Variants in INSR observed in about 807,000 individuals in gnomAD.
INSR encodes IR.
A neutral mutation model predicts 142.6 loss-of-function variants in INSR; 67 were observed. That is an observed-to-expected ratio of 0.47 (90% CI 0.39 to 0.58). INSR has a LOEUF of 0.58. Among genes scored for constraint, INSR ranks in the 20% least tolerant of loss-of-function variants. INSR has a pLI of 0.00. For missense variants in INSR, 1,248 were observed against 1,833.2 expected (o/e 0.68, Z 5.83); for synonymous variants, 756 against 743.1 (o/e 1.02, Z -0.28).
intron 11 of INSR, among the ~76,000 whole-genome samples, chr19:7,149,245 G>A (rs886071513): frequency 2.6e-4 from 40 of 152,242 alleles, no homozygotes; most frequent in African/African-American, 8.7e-4. Context: ...TTTGGACCAA[G>A]CCCGTACATT....
At chr19:7,198,702 C>A (rs899886320) in intron 2 of INSR, among the ~76,000 whole-genome samples, 2 of 152,134 alleles carry the variant, frequency 1.3e-5, no homozygotes, top group Non-Finnish European at 2.9e-5. Context: ...TCTCACCCAC[C>A]ACTCACCCAG....
chr19:7,190,369 GTTT>G (rs34757652), intron 2 of INSR, among the ~76,000 whole-genome samples: 2,869 of 102,706 alleles, frequency 0.028, 42 homozygotes, highest in African/African-American at 0.065. Flanking sequence ...TTCTTTGGTG[GTTT>G]TTTTTTTTTT....
rs187118788 is a variant in INSR, at chr19:7,120,522, G to A, written c.3659+98C>T. The A allele has an allele frequency of 4.3e-4, 622 of 1,439,230 alleles. 4 individuals are homozygous for A. In the African/African-American group the frequency reaches 7.0e-3, roughly 16 times the overall value. The allele number at this position is 1,439,230 out of a possible 1,614,324, so 89.2% of individuals were successfully genotyped here. On this transcript the variant is annotated intron_variant, in intron 20 of 21. Transcript: ENST00000302850. ...GCTGCCTTCCTTTCCTTGATGGGGC[G>A]TCCAGGAGGATGGCAGGCTTCCTTC...
rs777632516 is a variant in INSR at position 7,150,483 on chromosome 19, CAG to C, written c.2267+12_2267+13del. The C allele has an allele frequency of 1.9e-6, 3 of 1,613,958 alleles. No individual in the cohort carries two copies. The highest frequency in any genetic ancestry group is 2.5e-6 in the Non-Finnish European group (3 of 1,179,860). ...CGCGGAGCAGGCACCAGGGGTCGCA[CAG>C]GTGAGTCATACCTAGGGTCCTCGGC... On this transcript the variant is annotated intron_variant, in intron 11 of 21. Coordinates refer to ENST00000302850, the MANE Select transcript of INSR (RefSeq NM_000208.4). The surrounding 1 kb of genome is among the most constrained non-coding windows in gnomAD (Gnocchi z 4.2).
chr19:7,231,633 G>A (rs7255710), intron 2 of INSR, among the ~76,000 whole-genome samples: 5,733 of 151,982 alleles, frequency 0.038, 327 homozygotes, highest in East Asian at 0.22. Flanking sequence ...TAAAGTGACT[G>A]GATGTTGGGG....
rs137914614 is a variant in INSR at position 7,112,581 on chromosome 19, G to T, written c.*4475C>A. ...CAAGCTGTTCCTGAATATGTGCATGGGTGCACACTTATTTTGAGGCTCTTC... is the reference window on the plus strand; with the variant it reads ...CAAGCTGTTCCTGAATATGTGCATGTGTGCACACTTATTTTGAGGCTCTTC... On this transcript the variant is annotated 3_prime_UTR_variant, in exon 22 of 22. Transcript: ENST00000302850. The T allele has an allele frequency of 6.6e-6, 1 of 152,254 alleles. No homozygotes were observed. The highest frequency in any genetic ancestry group is 1.9e-4 in the East Asian group (1 of 5,188). The allele number at this position is 152,254 out of a possible 1,614,324, so 9.4% of individuals were successfully genotyped here.
chr19:7,167,482 A>T (rs1973913849), intron 7 of INSR, among the ~76,000 whole-genome samples: 1 of 151,884 alleles, frequency 6.6e-6, no homozygotes, highest in African/African-American at 2.4e-5. Flanking sequence ...AGACTGAGGC[A>T]GGAGAACTGC....
chr19:7,133,571 G>A (rs1405261157), intron 13 of INSR, among the ~76,000 whole-genome samples: 1 of 152,038 alleles, frequency 6.6e-6, no homozygotes, highest in Non-Finnish European at 1.5e-5. Context: ...ATTTTAAAAT[G>A]CAAAAGTGGG....
At chr19:7,147,801 T>C (rs751988326) in intron 11 of INSR, among the ~76,000 whole-genome samples, 1 of 152,168 alleles carries the variant, frequency 6.6e-6, no homozygotes, top group Non-Finnish European at 1.5e-5. Flanking sequence ...TACTGAGAAA[T>C]TGGTATCTCA....
rs994472107 is a variant in INSR at position 7,293,436 on chromosome 19, G to A, written c.100+356C>T. Among the ~76,000 whole-genome samples the A allele has an allele frequency of 2.2e-4, 33 of 152,304 alleles. 1 individual carries two copies. The South Asian group carries it at 2.5e-3, about 11-fold the overall frequency. ...TCCAGACCCAGTGACCCCACTTCCC[G>A]GCCGCGACCCAAAGATGACGCGTGT... On this transcript the variant is annotated intron_variant, in intron 1 of 21. Transcript: ENST00000302850.
chr19:7,215,543 G>A (rs1231878095), intron 2 of INSR, among the ~76,000 whole-genome samples: 1 of 130,164 alleles, frequency 7.7e-6, no homozygotes, highest in African/African-American at 3.0e-5. Context: ...AAACTACCGA[G>A]CTTCCTTTTC....
chr19:7,137,187 T>C (rs537832273), intron 13 of INSR, among the ~76,000 whole-genome samples: 4 of 151,920 alleles, frequency 2.6e-5, no homozygotes, highest in African/African-American at 9.7e-5. Context: ...TTTTACTCCA[T>C]TTACAAAATT....
In INSR at chr19:7,143,133, A is replaced by AT. The variant is rs11400403; in HGVS notation, c.2268-44dup. 0.012 allele frequency: 20,087 copies of AT among 1,609,122 alleles called. 1,207 individuals are homozygous for AT. The African/African-American group carries it at 0.16, about 12-fold the overall frequency. ...CATGTATGATGACACCATCACCATC[A>AT]TTTTTTTTAAAAAAGTGACACTGGA... On this transcript the variant is annotated intron_variant, in intron 11 of 21. Coordinates refer to ENST00000302850, the MANE Select transcript of INSR (RefSeq NM_000208.4).
chr19:7,284,432 C>T (rs1968290056), intron 1 of INSR, among the ~76,000 whole-genome samples: 1 of 152,144 alleles, frequency 6.6e-6, no homozygotes, highest in African/African-American at 2.4e-5. Flanking sequence ...AGCAGGGCTT[C>T]AGCACCCTGG....
intron 2 of INSR, among the ~76,000 whole-genome samples, chr19:7,266,231 CACA>C (rs1025335737): frequency 1.4e-4 from 22 of 152,082 alleles, no homozygotes; most frequent in African/African-American, 5.3e-4. Flanking sequence ...TGGCCGTTGG[CACA>C]ACATTTCCGG....
intron 9 of INSR, among the ~76,000 whole-genome samples, chr19:7,161,945 G>T (rs1003131294): frequency 1.7e-4 from 26 of 152,154 alleles, no homozygotes; most frequent in Non-Finnish European, 2.9e-4. Flanking sequence ...CGCTTTGGGA[G>T]GCTGAGGGGG....
intron 1 of INSR, among the ~76,000 whole-genome samples, chr19:7,274,804 C>CAA (rs772807729): frequency 1.3e-3 from 106 of 83,114 alleles, no homozygotes; most frequent in African/African-American, 3.0e-3. Flanking sequence ...GACTGTGTCT[C>CAA]AAAAAAAAAA....
chr19:7,197,516 G>A (rs74180103), intron 2 of INSR, among the ~76,000 whole-genome samples: 48 of 70,904 alleles, frequency 6.8e-4, no homozygotes, highest in African/African-American at 1.6e-3. Flanking sequence ...TGGGAGTGGG[G>A]GTGTGTGTGT....
At chr19:7,261,204 A>G (rs1019008108) in intron 2 of INSR, among the ~76,000 whole-genome samples, 3 of 151,828 alleles carry the variant, frequency 2.0e-5, no homozygotes, top group Non-Finnish European at 4.4e-5. Flanking sequence ...ACTAATGTAG[A>G]TCTCCCTCTA....
Sources: allele counts gnomAD v4.1 joint callset (sites outside exome capture counted in the v4.1 genomes callset), GRCh38; gene constraint gnomAD v4.1.1; non-coding constraint Gnocchi (gnomAD v3.1); transcripts MANE v1.5; gene names NCBI Gene and HGNC (gene_info 2026-07-23, HGNC 2026-07-21).